LAMC1: variants seen among roughly 807,000 people sequenced by gnomAD.
LAMC1 encodes laminin subunit gamma 1, also known as laminin subunit gamma-1.
LAMC1 carries 38 observed loss-of-function variants against 173.6 expected under a neutral mutation model. That is an observed-to-expected ratio of 0.22 (90% CI 0.17 to 0.29). The LOEUF is 0.29. LAMC1 is among the 10% of genes least tolerant of loss of function. The pLI is 1.00. For missense variants in LAMC1, 1,824 were observed against 2,051.8 expected, an observed-to-expected ratio of 0.89 and a Z score of 2.14; for synonymous variants, 746 against 749.1, an observed-to-expected ratio of 1.00 and a Z score of 0.07.
chr1:183,125,141 A>G (rs1000430848), intron 14 of LAMC1: 5 of 590,596 alleles, frequency 8.5e-6, no homozygotes, highest in Non-Finnish European at 1.5e-5. Context: ...TATGATTTCA[A>G]TAAGTAATCA....
chr1:183,037,011 G>T (rs1356549978), intron 1 of LAMC1, among the ~76,000 whole-genome samples: 1 of 151,940 alleles, frequency 6.6e-6, no homozygotes, highest in Non-Finnish European at 1.5e-5. Context: ...CCTGACCTCA[G>T]GTGATCCATC....
chr1:183,077,918 CAT>C (rs1199116314), intron 1 of LAMC1, among the ~76,000 whole-genome samples: 1 of 151,672 alleles, frequency 6.6e-6, no homozygotes, highest in Non-Finnish European at 1.5e-5. Flanking sequence ...TTTTCTCTCT[CAT>C]GTGTTTGGGG....
chr1:183,043,697 C>G (rs900928918), intron 1 of LAMC1, among the ~76,000 whole-genome samples: 2 of 151,994 alleles, frequency 1.3e-5, no homozygotes, highest in Admixed American at 1.3e-4. Context: ...AAAAAGTGAC[C>G]TATTAGAAAA....
At chr1:183,123,485 A>G (rs1233082135) in intron 13 of LAMC1, among the ~76,000 whole-genome samples, 6 of 152,196 alleles carry the variant, frequency 3.9e-5, no homozygotes, top group Non-Finnish European at 1.5e-5. Context: ...ATGCTTCTAC[A>G]TGGGTTTGAA....
intron 1 of LAMC1, among the ~76,000 whole-genome samples, chr1:183,082,880 T>C (rs1655322427): frequency 6.6e-6 from 1 of 152,204 alleles, no homozygotes; most frequent in African/African-American, 2.4e-5. Flanking sequence ...CCTGTGAGGT[T>C]CTGCCAGCCT....
chr1:183,112,080 G>A (rs550032054), intron 4 of LAMC1, among the ~76,000 whole-genome samples: 3 of 152,200 alleles, frequency 2.0e-5, no homozygotes, highest in South Asian at 4.2e-4. Flanking sequence ...CAGAAACCCC[G>A]AGAAGGGACC....
chr1:183,132,532 T>C lies in LAMC1; in HGVS notation c.3699T>C (p.Asn1233=). ...CAGCATTTGAGATTGAAGAGCTTAA[T>C]AGGAAGTGAGTATAATTTGAAAGTG... ...NQTAFEIEEL[N]RKYEQAKNIS... is the part of the protein sequence containing the mutation. Residue 1233 remains asparagine, a synonymous_variant, in exon 21 of 28, where the codon AAT becomes AAC. Coordinates refer to ENST00000258341, the MANE Select transcript of LAMC1 (RefSeq NM_002293.4). 6.2e-7 allele frequency: 1 copy of C among 1,613,642 alleles called. No individual in the cohort carries two copies. Among genetic ancestry groups the C allele is most frequent in the Middle Eastern group, 1.7e-4 (1 of 6,058 alleles).
chr1:183,052,045 A>T (rs1246605094), intron 1 of LAMC1, among the ~76,000 whole-genome samples: 1 of 152,114 alleles, frequency 6.6e-6, no homozygotes, highest in East Asian at 1.9e-4. Flanking sequence ...CTGCTTGTTC[A>T]TCTGATAAAA....
intron 20 of LAMC1, among the ~76,000 whole-genome samples, chr1:183,132,000 G>T (rs1656809020): frequency 6.6e-6 from 1 of 152,166 alleles, no homozygotes; most frequent in Non-Finnish European, 1.5e-5. Flanking sequence ...GTTAGTATAT[G>T]TACATATAAT....
At chr1:183,122,746 C>T (rs944447627) in intron 13 of LAMC1, among the ~76,000 whole-genome samples, 1 of 152,128 alleles carries the variant, frequency 6.6e-6, no homozygotes, top group Non-Finnish European at 1.5e-5. Flanking sequence ...TGGGAGCTCA[C>T]AGAGAAGGAG....
chr1:183,023,847 G>A lies in LAMC1; in HGVS notation c.131G>A (p.Gly44Asp). The A allele has an allele frequency of 6.2e-7, 1 of 1,607,146 alleles. No individual in the cohort carries two copies. Among genetic ancestry groups the A allele is most frequent in the South Asian group, 1.1e-5 (1 of 90,372 alleles). The change falls in exon 1 of 28, where the codon GGC (glycine) becomes GAC (aspartate). Residue 44 changes from glycine (G) to aspartate (D), a missense_variant. Gly to Asp is a moderately conservative substitution (Grantham distance 94). Transcript: ENST00000258341. ...GCCATGGACGAGTGCACGGACGAGG[G>A]CGGGCGGCCGCAGCGCTGCATGCCC... ...QAAMDECTDEGGRPQRCMPEF... is the reference protein window; with the variant it reads ...QAAMDECTDEDGRPQRCMPEF...
intron 1 of LAMC1, among the ~76,000 whole-genome samples, chr1:183,076,027 T>G (rs1459052644): frequency 6.6e-6 from 1 of 152,228 alleles, no homozygotes; most frequent in African/African-American, 2.4e-5. Flanking sequence ...AGATTTGACA[T>G]TATGTTGTCT....
At chr1:183,041,382 A>G (rs1050446112) in intron 1 of LAMC1, among the ~76,000 whole-genome samples, 1 of 152,146 alleles carries the variant, frequency 6.6e-6, no homozygotes, top group African/African-American at 2.4e-5. Flanking sequence ...AATCATCTTT[A>G]AAACTCCTGA....
intron 1 of LAMC1, among the ~76,000 whole-genome samples, chr1:183,050,571 C>T (rs185189168): frequency 1.7e-3 from 235 of 140,092 alleles, no homozygotes; most frequent in African/African-American, 5.4e-3. Flanking sequence ...CGTGAGCCAC[C>T]GTGCCTGGCC....
chr1:183,069,963 G>T (rs1019477378), intron 1 of LAMC1, among the ~76,000 whole-genome samples: 1 of 152,158 alleles, frequency 6.6e-6, no homozygotes, highest in Non-Finnish European at 1.5e-5. Flanking sequence ...AAAAAGAATG[G>T]CCCGGTTGAA....
At chr1:183,131,440 T>TGTGTGTGA in intron 20 of LAMC1, 62 bp downstream of exon 20, 1 of 1,006,264 alleles carries the variant, frequency 9.9e-7, no homozygotes. Flanking sequence ...TGTGTGTGTG[T>TGTGTGTGA]GTGTGTGTGT....
intron 14 of LAMC1, 108 bp downstream of exon 14, chr1:183,124,984 T>C (rs988577186): frequency 1.7e-4 from 235 of 1,386,982 alleles, no homozygotes; most frequent in Non-Finnish European, 2.2e-4. Context: ...TAGAAATACA[T>C]TGTGAACCGC....
intron 1 of LAMC1, among the ~76,000 whole-genome samples, chr1:183,101,583 T>C (rs1655835374): frequency 6.6e-6 from 1 of 152,016 alleles, no homozygotes; most frequent in Non-Finnish European, 1.5e-5. Flanking sequence ...TGCCTTATAT[T>C]TGTATAGAAT....
At chr1:183,129,296 G>A (rs1022265947) in intron 18 of LAMC1, among the ~76,000 whole-genome samples, 3 of 151,898 alleles carry the variant, frequency 2.0e-5, no homozygotes, top group Non-Finnish European at 4.4e-5. Flanking sequence ...CACCGTGTTA[G>A]CCAGGATGGT....
Sources: allele counts gnomAD v4.1 joint callset (sites outside exome capture counted in the v4.1 genomes callset), GRCh38; gene constraint gnomAD v4.1.1; transcripts MANE v1.5; gene names NCBI Gene and HGNC (gene_info 2026-07-23, HGNC 2026-07-21).